The following CNGB3 variants were observed in gnomAD, a reference collection of about 807,000 sequenced individuals.
CNGB3 encodes cyclic nucleotide gated channel subunit beta 3.
CNGB3 carries 86 observed loss-of-function variants against 92.8 expected under a neutral mutation model. The observed-to-expected ratio is 0.93, with a 90% CI of 0.78 to 1.11. CNGB3 has a LOEUF of 1.11. Ranked by LOEUF, CNGB3 falls within the 50% of genes least tolerant of loss-of-function variation. The pLI is 0.00. For synonymous variants in CNGB3, 333 were observed against 332.7 expected (o/e 1.00, Z -0.01); for missense variants, 1,026 against 956.8 (o/e 1.07, Z -0.95).
In CNGB3 at chr8:86,621,035, A is replaced by G. The variant is rs1002409096; in HGVS notation, c.1578+4948T>C. Among the ~76,000 whole-genome samples, 5 of 152,346 alleles carry G rather than the reference A, an allele frequency of 3.3e-5. No individual in the cohort carries two copies. In the East Asian group the frequency reaches 9.6e-4, roughly 29 times the overall value. Reference sequence around the variant, plus strand: ...AACATTAGCAAGATGTGAAGATTTAACCTTTTTTCTCAATCAGATGTTGCT... The same window carrying G: ...AACATTAGCAAGATGTGAAGATTTAGCCTTTTTTCTCAATCAGATGTTGCT... On this transcript the variant is annotated intron_variant, in intron 13 of 17. Coordinates refer to ENST00000320005, the MANE Select transcript of CNGB3 (RefSeq NM_019098.5).
At chr8:86,578,131 G>T (rs562232438) in intron 17 of CNGB3, among the ~76,000 whole-genome samples, 1 of 152,108 alleles carries the variant, frequency 6.6e-6, no homozygotes, top group Non-Finnish European at 1.5e-5. Flanking sequence ...GAATGGTCTC[G>T]ATCTCCTGCC....
intron 1 of CNGB3, among the ~76,000 whole-genome samples, chr8:86,741,903 G>C (rs947699865): frequency 1.3e-5 from 2 of 152,000 alleles, no homozygotes; most frequent in African/African-American, 2.4e-5. Flanking sequence ...TATCTTAAAG[G>C]GTTGACTCAA....
intron 3 of CNGB3, among the ~76,000 whole-genome samples, chr8:86,672,623 A>G (rs1382534928): frequency 6.6e-6 from 1 of 152,072 alleles, no homozygotes; most frequent in Non-Finnish European, 1.5e-5. Flanking sequence ...GTGGCAGCCC[A>G]TGGGGTTCAC....
At chr8:86,628,841 C>G in intron 12 of CNGB3, 78 bp downstream of exon 12, 2 of 1,457,228 alleles carry the variant, frequency 1.4e-6, no homozygotes, top group Non-Finnish European at 1.9e-6. Flanking sequence ...TCAAATCCAA[C>G]TAGTCTCTGC....
intron 12 of CNGB3, 129 bp from the exon 13 acceptor site, chr8:86,626,209 C>G: frequency 1.4e-6 from 1 of 708,214 alleles, no homozygotes; most frequent in Non-Finnish European, 2.5e-6. Context: ...TAATTAGATG[C>G]ATCAGATTCT....
At chr8:86,606,269 G>A (rs765549432) in intron 14 of CNGB3, among the ~76,000 whole-genome samples, 1 of 148,906 alleles carries the variant, frequency 6.7e-6, no homozygotes, top group African/African-American at 2.5e-5. Flanking sequence ...TCCCACCTCA[G>A]CCTCCTGAGT....
intron 3 of CNGB3, among the ~76,000 whole-genome samples, chr8:86,686,217 T>TA (rs1382508543): frequency 1.3e-5 from 2 of 152,096 alleles, no homozygotes; most frequent in Admixed American, 1.3e-4. Context: ...CATACTGTAT[T>TA]ACACTGAATA....
chr8:86,741,680 A>C (rs116911629), intron 1 of CNGB3, among the ~76,000 whole-genome samples: 15,056 of 152,168 alleles, frequency 0.099, 978 homozygotes, highest in Non-Finnish European at 0.15. Flanking sequence ...AAAACAAAAA[A>C]AAAAAATCTA....
chr8:86,661,835 A>T lies in CNGB3; in HGVS notation c.852+5090T>A, dbSNP rs1054098555. On this transcript the variant is annotated intron_variant, in intron 6 of 17. Coordinates refer to ENST00000320005, the MANE Select transcript of CNGB3 (RefSeq NM_019098.5). ...GACGAAGGTAATTGTTGTTCTCAGT[A>T]TCTTCTGGACGTTCCAGAACTGATG... is the stretch of plus-strand genomic sequence containing the variant. The T allele has an allele frequency of 2.1e-6, 3 of 1,456,640 alleles. No individual in the cohort carries two copies. In the African/African-American group the frequency reaches 4.2e-5, roughly 20 times the overall value. 90.2% of individuals were successfully genotyped at this position (1,456,640 alleles called of 1,614,324 possible).
chr8:86,667,172 A>G (rs1372098818), intron 5 of CNGB3, 39 bp from the exon 6 acceptor site: 1 of 1,553,970 alleles, frequency 6.4e-7, no homozygotes, highest in Non-Finnish European at 8.9e-7. Flanking sequence ...AATGACATAG[A>G]ACAAACACAG....
chr8:86,658,006 A>G, intron 6 of CNGB3: 1 of 544,980 alleles, frequency 1.8e-6, no homozygotes, highest in Non-Finnish European at 3.6e-6. Flanking sequence ...CAGTTTTTCC[A>G]TCTGCTCCTT....
intron 6 of CNGB3, chr8:86,661,266 T>C (rs1563745143): frequency 5.9e-6 from 2 of 340,254 alleles, no homozygotes; most frequent in East Asian, 7.3e-5. Flanking sequence ...ACTATCAGGG[T>C]CGACCTTCTG....
chr8:86,601,788 G>A (rs947791257), intron 15 of CNGB3, among the ~76,000 whole-genome samples: 2 of 152,148 alleles, frequency 1.3e-5, no homozygotes, highest in Non-Finnish European at 2.9e-5. Context: ...CAGCCAAAAA[G>A]AGAATCAAGG....
At chr8:86,664,837 G>A (rs1823711070) in intron 6 of CNGB3, among the ~76,000 whole-genome samples, 1 of 152,068 alleles carries the variant, frequency 6.6e-6, no homozygotes. Flanking sequence ...ATCTGTGAGG[G>A]GTGTGGCTAC....
intron 3 of CNGB3, among the ~76,000 whole-genome samples, chr8:86,679,911 T>A (rs2131626871): frequency 6.6e-6 from 1 of 152,260 alleles, no homozygotes; most frequent in South Asian, 2.1e-4. Context: ...CATATGGAAA[T>A]ACAGCAAGAA....
chr8:86,670,561 T>C (rs554141369), intron 4 of CNGB3, among the ~76,000 whole-genome samples: 36 of 152,094 alleles, frequency 2.4e-4, no homozygotes, highest in Non-Finnish European at 4.3e-4. Flanking sequence ...AGAGCAGTAG[T>C]CCTCTTATTC....
intron 13 of CNGB3, among the ~76,000 whole-genome samples, chr8:86,624,091 G>A (rs1212645385): frequency 6.6e-6 from 1 of 152,160 alleles, no homozygotes; most frequent in Admixed American, 6.6e-5. Context: ...CTGCTCAAGA[G>A]CCTCAGTGTC....
At chr8:86,593,575 G>T (rs556716271) in intron 15 of CNGB3, among the ~76,000 whole-genome samples, 2 of 152,208 alleles carry the variant, frequency 1.3e-5, no homozygotes, top group Admixed American at 6.5e-5. Context: ...CTCCTTCGAG[G>T]TCTTTATTGC....
chr8:86,674,507 G>A (rs1823925441), intron 3 of CNGB3, among the ~76,000 whole-genome samples: 1 of 152,080 alleles, frequency 6.6e-6, no homozygotes, highest in Non-Finnish European at 1.5e-5. Flanking sequence ...AGCCATGAAT[G>A]TATTTTTCTT....
Sources: allele counts gnomAD v4.1 joint callset (sites outside exome capture counted in the v4.1 genomes callset), GRCh38; gene constraint gnomAD v4.1.1; transcripts MANE v1.5; gene names NCBI Gene and HGNC (gene_info 2026-07-23, HGNC 2026-07-21).